PDE8B: variants seen among roughly 807,000 people sequenced by gnomAD.
The protein encoded by PDE8B is high affinity cAMP-specific and IBMX-insensitive 3',5'-cyclic phosphodiesterase 8B.
Under a neutral mutation model 101.3 loss-of-function variants are expected in PDE8B, and 26 were observed. The ratio of observed to expected loss-of-function variants is 0.26; its 90% CI spans 0.19 to 0.36. The LOEUF is 0.36. Among genes scored for constraint, PDE8B ranks in the 10% least tolerant of loss-of-function variants. PDE8B has a pLI of 1.00. For missense variants in PDE8B, 810 were observed against 1,163.1 expected, an observed-to-expected ratio of 0.70 and a Z score of 4.42; for synonymous variants, 424 against 429.3, an observed-to-expected ratio of 0.99 and a Z score of 0.15.
intron 1 of PDE8B, among the ~76,000 whole-genome samples, chr5:77,252,325 A>G (rs900212900): frequency 6.6e-6 from 1 of 152,224 alleles, no homozygotes; most frequent in Non-Finnish European, 1.5e-5. Flanking sequence ...CTGTTAAAAT[A>G]AGAAGCTCAG....
chr5:77,411,593 ATC>A, intron 14 of PDE8B, 81 bp from the exon 15 acceptor site: 3 of 1,159,448 alleles, frequency 2.6e-6, no homozygotes, highest in Non-Finnish European at 3.8e-6. Context: ...CAGGATTCAA[ATC>A]TCTTTCACTA....
intron 1 of PDE8B, among the ~76,000 whole-genome samples, chr5:77,221,514 G>A (rs1278783213): frequency 2.0e-5 from 3 of 152,186 alleles, no homozygotes; most frequent in Non-Finnish European, 2.9e-5. Flanking sequence ...CGGAGTATGC[G>A]AAGTTTTGTA....
intron 20 of PDE8B, among the ~76,000 whole-genome samples, chr5:77,423,953 T>TA (rs1491159843): frequency 1.3e-5 from 2 of 151,920 alleles, no homozygotes; most frequent in African/African-American, 4.8e-5. Flanking sequence ...TTTTTTTTTT[T>TA]ATGTTTATTG....
At chr5:77,303,083 A>G (rs1770343647) in intron 1 of PDE8B, among the ~76,000 whole-genome samples, 1 of 152,222 alleles carries the variant, frequency 6.6e-6, no homozygotes, top group African/African-American at 2.4e-5. Flanking sequence ...TAGAATATTT[A>G]TGTAGTGGCT....
chr5:77,138,040 TA>T, the PDE8B span, among the ~76,000 whole-genome samples: 144 of 152,190 alleles, frequency 9.5e-4, no homozygotes, highest in African/African-American at 3.3e-3. Context: ...AAGTAATACT[TA>T]AAAAAAGTAA....
the PDE8B span, among the ~76,000 whole-genome samples, chr5:77,089,847 C>G: frequency 6.6e-6 from 1 of 152,256 alleles, no homozygotes; most frequent in Non-Finnish European, 1.5e-5. Flanking sequence ...TCTTGTACTC[C>G]CGTTTATAGC....
intron 12 of PDE8B, among the ~76,000 whole-genome samples, 198 bp downstream of exon 12, chr5:77,404,995 G>C (rs187630425): frequency 1.3e-5 from 2 of 151,586 alleles, no homozygotes; most frequent in Non-Finnish European, 2.9e-5. Flanking sequence ...AGTCTTTGTC[G>C]TCTCTTTGGA....
At chr5:77,122,482 A>G in the PDE8B span, among the ~76,000 whole-genome samples, 1 of 152,222 alleles carries the variant, frequency 6.6e-6, no homozygotes, top group Non-Finnish European at 1.5e-5. Flanking sequence ...ACCCACCTGA[A>G]AGTGGGACAA....
chr5:77,349,606 A>AC (rs1182616333), intron 8 of PDE8B, 47 bp downstream of exon 8: 1 of 1,608,912 alleles, frequency 6.2e-7, no homozygotes, highest in South Asian at 1.1e-5. Context: ...TCCCCAATGC[A>AC]CTTTTTTTTC....
At chr5:77,378,784 C>G (rs1786865366) in intron 10 of PDE8B, among the ~76,000 whole-genome samples, 1 of 152,190 alleles carries the variant, frequency 6.6e-6, no homozygotes, top group African/African-American at 2.4e-5. Context: ...CCCACCCAGA[C>G]CTACTGAGTC....
the PDE8B span, among the ~76,000 whole-genome samples, chr5:77,097,730 T>TAG: frequency 6.2e-5 from 4 of 64,780 alleles, no homozygotes; most frequent in African/African-American, 1.5e-4. Context: ...TATATATATA[T>TAG]ATACATACAT....
At chr5:77,381,815 A>C (rs1787525782) in intron 10 of PDE8B, among the ~76,000 whole-genome samples, 1 of 152,158 alleles carries the variant, frequency 6.6e-6, no homozygotes, top group Admixed American at 6.5e-5. Flanking sequence ...AAATTATATA[A>C]ATTTAATAAA....
chr5:77,118,481 C>T, the PDE8B span: 2 of 398,244 alleles, frequency 5.0e-6, no homozygotes, highest in Non-Finnish European at 8.9e-6. Flanking sequence ...ATGGTGCCCA[C>T]CACATGGAGG....
chr5:77,291,853 T>C, intron 1 of PDE8B: 2 of 1,477,170 alleles, frequency 1.4e-6, no homozygotes, highest in Non-Finnish European at 1.9e-6. Flanking sequence ...GCAGCTGTTT[T>C]TGAAGAAGAC....
chr5:77,344,712 A>T, intron 6 of PDE8B, 141 bp from the exon 7 acceptor site: 1 of 730,822 alleles, frequency 1.4e-6, no homozygotes, highest in Non-Finnish European at 2.5e-6. Context: ...AACTGTTGGG[A>T]GACATCAGCA....
intron 1 of PDE8B, among the ~76,000 whole-genome samples, chr5:77,247,284 A>G (rs774440342): frequency 6.6e-6 from 1 of 152,140 alleles, no homozygotes; most frequent in Non-Finnish European, 1.5e-5. Context: ...GTAGCTCCCA[A>G]TGCCAGCCCT....
At position 77,408,106 on chromosome 5, in the gene PDE8B, T is replaced by C. The variant is rs923335193; in HGVS notation, c.1365+649T>C. On this transcript the variant is annotated intron_variant, in intron 13 of 21. Transcript: ENST00000264917. ...AGAGAACAGGTCAGTTAGGGGGCTATTCTAGAAGTAGCTGAGCTAGAATTA... is the reference window on the plus strand; with the variant it reads ...AGAGAACAGGTCAGTTAGGGGGCTACTCTAGAAGTAGCTGAGCTAGAATTA... Among the ~76,000 whole-genome samples the C allele has an allele frequency of 3.3e-5, 5 of 152,312 alleles. 1 individual carries two copies. The highest frequency in any genetic ancestry group is 2.0e-4 in the Admixed American group (3 of 15,298).
intron 1 of PDE8B, among the ~76,000 whole-genome samples, chr5:77,216,232 C>A (rs376745473): frequency 1.3e-5 from 2 of 152,190 alleles, no homozygotes; most frequent in African/African-American, 4.8e-5. Flanking sequence ...GCTGTTACTA[C>A]CCCAGAAGAG....
the PDE8B span, chr5:77,104,450 G>GCTT: frequency 6.6e-6 from 1 of 152,036 alleles, no homozygotes; most frequent in Non-Finnish European, 1.5e-5. Context: ...CCTCGTGAAT[G>GCTT]GGATTAAGGC....
Sources: allele counts gnomAD v4.1 joint callset (sites outside exome capture counted in the v4.1 genomes callset), GRCh38; gene constraint gnomAD v4.1.1; transcripts MANE v1.5; gene names NCBI Gene and HGNC (gene_info 2026-07-23, HGNC 2026-07-21).